Variants in LRRC37A2 observed in about 807,000 individuals in gnomAD.
The protein encoded by LRRC37A2 is leucine-rich repeat-containing protein 37A2.
In LRRC37A2, 9 loss-of-function variants were observed where a neutral mutation model predicts 68.8. The ratio of observed to expected loss-of-function variants is 0.13; its 90% CI spans 0.08 to 0.23. The LOEUF is 0.23. LRRC37A2 is among the 10% of genes least tolerant of loss of function. LRRC37A2 has a pLI of 1.00. For synonymous variants in LRRC37A2, 63 were observed against 367.6 expected, an observed-to-expected ratio of 0.17 and a Z score of 9.48; for missense variants, 168 against 950.4, an observed-to-expected ratio of 0.18 and a Z score of 10.82.
the LRRC37A2 span, among the ~76,000 whole-genome samples, chr17:46,879,791 G>A: frequency 6.6e-6 from 1 of 152,316 alleles, no homozygotes; most frequent in South Asian, 2.1e-4. Context: ...TCCTTCCCAG[G>A]CTGTGATCCC....
chr17:46,499,052 C>T, the LRRC37A2 span, among the ~76,000 whole-genome samples: 13,075 of 137,274 alleles, frequency 0.095, no homozygotes, highest in Middle Eastern at 0.15. Context: ...TGGTGGCTCA[C>T]GCCTGTAATC....
chr17:46,917,932 G>A, the LRRC37A2 span, among the ~76,000 whole-genome samples: 3 of 152,198 alleles, frequency 2.0e-5, no homozygotes, highest in African/African-American at 4.8e-5. Flanking sequence ...GACAGAAAGC[G>A]ATGGTGCCTG....
At chr17:46,865,904 G>C in the LRRC37A2 span, among the ~76,000 whole-genome samples, 1 of 152,104 alleles carries the variant, frequency 6.6e-6, no homozygotes, top group Non-Finnish European at 1.5e-5. Context: ...GCGCCACAAT[G>C]CCTGACCAAA....
the LRRC37A2 span, among the ~76,000 whole-genome samples, chr17:46,501,447 C>G: frequency 3.3e-5 from 5 of 151,244 alleles, 1 homozygote; most frequent in Admixed American, 3.3e-4. Context: ...AGTGCTGAGA[C>G]TACAGGTGTG....
At chr17:46,963,885 G>C in the LRRC37A2 span, 4 of 152,174 alleles carry the variant, frequency 2.6e-5, no homozygotes, top group African/African-American at 9.7e-5. Flanking sequence ...AGCACAATAA[G>C]AGCTCACTGC....
chr17:46,694,084 A>C, the LRRC37A2 span, among the ~76,000 whole-genome samples: 1 of 124,414 alleles, frequency 8.0e-6, no homozygotes, highest in African/African-American at 4.0e-5. Flanking sequence ...AAACATTAGG[A>C]TCATAATAAT....
At chr17:46,735,268 G>A in the LRRC37A2 span, among the ~76,000 whole-genome samples, 6 of 152,208 alleles carry the variant, frequency 3.9e-5, no homozygotes, top group African/African-American at 1.4e-4. Context: ...TCAGAGAAAT[G>A]CTAATAGTGT....
the LRRC37A2 span, among the ~76,000 whole-genome samples, chr17:46,969,863 C>T: frequency 2.6e-5 from 4 of 152,156 alleles, no homozygotes; most frequent in Admixed American, 2.0e-4. Context: ...TTTCGCGATC[C>T]CCTTGCCCCC....
chr17:47,002,856 C>A, the LRRC37A2 span, among the ~76,000 whole-genome samples: 1 of 151,876 alleles, frequency 6.6e-6, no homozygotes, highest in Non-Finnish European at 1.5e-5. Context: ...ATGAATGTAC[C>A]ACAATTTGTT....
the LRRC37A2 span, among the ~76,000 whole-genome samples, chr17:46,827,368 A>G: frequency 2.6e-5 from 4 of 152,272 alleles, no homozygotes; most frequent in South Asian, 6.2e-4. Flanking sequence ...AATGACACAC[A>G]GTAAGAAATA....
the LRRC37A2 span, among the ~76,000 whole-genome samples, chr17:46,887,968 T>C: frequency 6.6e-6 from 1 of 152,200 alleles, no homozygotes; most frequent in African/African-American, 2.4e-5. Context: ...CTACTCACCC[T>C]GGGCAGCCAA....
At chr17:46,697,445 C>T in the LRRC37A2 span, among the ~76,000 whole-genome samples, 1 of 149,082 alleles carries the variant, frequency 6.7e-6, no homozygotes, top group Non-Finnish European at 1.5e-5. Flanking sequence ...CCCCTGACCT[C>T]GTGATCCGCC....
At chr17:46,781,145 T>C in the LRRC37A2 span, among the ~76,000 whole-genome samples, 8 of 151,794 alleles carry the variant, frequency 5.3e-5, no homozygotes, top group East Asian at 1.6e-3. Flanking sequence ...GGAGTATTGC[T>C]TGAACCTGAG....
At chr17:46,711,253 C>A in the LRRC37A2 span, 2 of 812,880 alleles carry the variant, frequency 2.5e-6, no homozygotes, top group African/African-American at 1.8e-5. Context: ...AAATAGTAAT[C>A]CAATCTATGT....
At chr17:46,775,218 C>T in the LRRC37A2 span, among the ~76,000 whole-genome samples, 2 of 152,236 alleles carry the variant, frequency 1.3e-5, no homozygotes, top group South Asian at 4.1e-4. Context: ...ACATGAAGAA[C>T]ATCACTATCT....
the LRRC37A2 span, chr17:46,975,568 G>A: frequency 1.3e-5 from 2 of 152,238 alleles, no homozygotes; most frequent in Non-Finnish European, 2.9e-5. Flanking sequence ...GGAGAACTAA[G>A]ACGGTCTACA....
the LRRC37A2 span, among the ~76,000 whole-genome samples, chr17:47,031,680 C>T: frequency 6.9e-6 from 1 of 144,270 alleles, no homozygotes; most frequent in African/African-American, 2.6e-5. Flanking sequence ...AATGTAAGCA[C>T]TAAGAGAGAA....
At chr17:46,941,529 A>G in the LRRC37A2 span, 1 of 408,734 alleles carries the variant, frequency 2.4e-6, no homozygotes, top group Non-Finnish European at 3.3e-6. Flanking sequence ...CCTGGGGCCT[A>G]CCCCAGATCT....
chr17:46,768,322 A>G, the LRRC37A2 span: 2 of 1,613,512 alleles, frequency 1.2e-6, no homozygotes, highest in Non-Finnish European at 1.7e-6. This position sits in a 1 kb window ranked among gnomAD's most constrained non-coding sequence, Gnocchi z 5.0. Context: ...CTGGTGCCCT[A>G]CTTGCAGGTG....
Sources: allele counts gnomAD v4.1 joint callset (sites outside exome capture counted in the v4.1 genomes callset), GRCh38; gene constraint gnomAD v4.1.1; non-coding constraint Gnocchi (gnomAD v3.1); transcripts MANE v1.5; gene names NCBI Gene and HGNC (gene_info 2026-07-23, HGNC 2026-07-21).